Variants in DENND1B observed in about 807,000 individuals in gnomAD.
DENND1B encodes DENN domain containing 1B, also known as DENN domain-containing protein 1B.
Under a neutral mutation model 90.1 loss-of-function variants are expected in DENND1B, and 59 were observed. The ratio of observed to expected loss-of-function variants is 0.65; its 90% CI spans 0.53 to 0.81. The LOEUF (loss-of-function observed/expected upper bound fraction) is 0.81, where lower values mean the gene tolerates loss of function less well. Among genes scored for constraint, DENND1B ranks in the 40% least tolerant of loss-of-function variants. The probability of loss-of-function intolerance (pLI) is 0.00; values close to 1 mark genes in which losing one functional copy is unlikely to be tolerated. For synonymous variants in DENND1B, 337 were observed against 324.6 expected (o/e 1.04, Z -0.41); for missense variants, 862 against 912.6 (o/e 0.94, Z 0.71).
intron 8 of DENND1B, 141 bp from the exon 9 acceptor site, chr1:197,645,884 G>A: frequency 2.0e-6 from 1 of 503,348 alleles, no homozygotes; most frequent in Non-Finnish European, 3.4e-6. Flanking sequence ...GAATTTGAGA[G>A]ATTCTTAAAT....
intron 15 of DENND1B, among the ~76,000 whole-genome samples, chr1:197,578,083 T>C (rs1341922592): frequency 6.6e-6 from 1 of 152,160 alleles, no homozygotes; most frequent in Non-Finnish European, 1.5e-5. Flanking sequence ...AGAAGGAGTG[T>C]CCAGGGGAGG....
intron 2 of DENND1B, among the ~76,000 whole-genome samples, chr1:197,727,828 T>C (rs1303317759): frequency 6.6e-6 from 1 of 152,162 alleles, no homozygotes; most frequent in African/African-American, 2.4e-5. Context: ...AAAAGACACA[T>C]CCTTTTATAT....
At chr1:197,694,672 T>C (rs1451859799) in intron 3 of DENND1B, among the ~76,000 whole-genome samples, 1 of 151,390 alleles carries the variant, frequency 6.6e-6, no homozygotes, top group Non-Finnish European at 1.5e-5. Flanking sequence ...AGTAAGCTTT[T>C]GGGAAACCAG....
chr1:197,583,117 T>C, intron 15 of DENND1B, 35 bp downstream of exon 15: 1 of 1,568,022 alleles, frequency 6.4e-7, no homozygotes, highest in South Asian at 1.1e-5. Flanking sequence ...GACAATGTTG[T>C]CTTACAAAAG....
intron 18 of DENND1B, among the ~76,000 whole-genome samples, chr1:197,544,305 A>C (rs1398762374): frequency 6.6e-6 from 1 of 152,140 alleles, no homozygotes; most frequent in Non-Finnish European, 1.5e-5. Context: ...AAAGGCCAAG[A>C]AACTGACATT....
At position 197,638,340 on chromosome 1, in the gene DENND1B, T is replaced by C. The variant is rs180874462; in HGVS notation, c.672+4371A>G. Among the ~76,000 whole-genome samples, 1,282 of 152,266 alleles carry C rather than the reference T, an allele frequency of 8.4e-3. 19 individuals are homozygous for C. Among genetic ancestry groups the C allele is most frequent in the African/African-American group, 0.028 (1,178 of 41,548 alleles). On this transcript the variant is annotated intron_variant, in intron 10 of 22. Coordinates refer to ENST00000620048, the MANE Select transcript of DENND1B (RefSeq NM_001195215.2). ...GGTGAATTTACTAACTAAATAATGGTCAAAATAATAGCTAACATTCAGACA... is the reference window on the plus strand; with the variant it reads ...GGTGAATTTACTAACTAAATAATGGCCAAAATAATAGCTAACATTCAGACA...
rs1410022883 is a variant in DENND1B at position 197,510,718 on chromosome 1, G to C, written c.2070C>G (p.Ser690=). 2 of 1,612,588 alleles carry C rather than the reference G, an allele frequency of 1.2e-6. No individual in the cohort carries two copies. The highest frequency in any genetic ancestry group is 2.2e-5 in the East Asian group (1 of 44,838). ...PTSGLDFQLT[S]PEVSQTDKGK... ...CTTTATCAGTCTGGGAAACTTCAGG[G>C]GAAGTGAGTTGGAAATCCAGTCCTG... The change falls in exon 23 of 23, where the codon TCC becomes TCG. Residue 690 remains serine, a synonymous_variant. Coordinates refer to ENST00000620048, the MANE Select transcript of DENND1B (RefSeq NM_001195215.2).
chr1:197,755,043 A>G (rs1280129991), intron 2 of DENND1B, among the ~76,000 whole-genome samples: 1 of 152,144 alleles, frequency 6.6e-6, no homozygotes, highest in Non-Finnish European at 1.5e-5. Context: ...CTAACTTCCA[A>G]TTTCTCCTAG....
chr1:197,695,426 C>T (rs998647489), intron 3 of DENND1B, among the ~76,000 whole-genome samples: 6 of 150,734 alleles, frequency 4.0e-5, no homozygotes, highest in Non-Finnish European at 6.0e-5. Context: ...AATATGAAAC[C>T]AAGTAAACAG....
At chr1:197,647,472 A>G (rs2125926617) in intron 7 of DENND1B, among the ~76,000 whole-genome samples, 1 of 152,292 alleles carries the variant, frequency 6.6e-6, no homozygotes, top group East Asian at 1.9e-4. Context: ...ATCCATTTTA[A>G]TCTTACATCA....
intron 2 of DENND1B, among the ~76,000 whole-genome samples, chr1:197,750,609 G>GATAA (rs935592271): frequency 6.8e-6 from 1 of 147,054 alleles, no homozygotes; most frequent in African/African-American, 2.5e-5. Context: ...TAGATAGATA[G>GATAA]ATAAAGATAT....
intron 6 of DENND1B, among the ~76,000 whole-genome samples, chr1:197,657,206 C>A (rs1653928932): frequency 6.6e-6 from 1 of 152,162 alleles, no homozygotes; most frequent in Admixed American, 6.6e-5. Flanking sequence ...ATATGAAGGA[C>A]TCTTACGATT....
At chr1:197,600,276 C>T (rs1676084001) in intron 13 of DENND1B, among the ~76,000 whole-genome samples, 1 of 151,844 alleles carries the variant, frequency 6.6e-6, no homozygotes, top group Non-Finnish European at 1.5e-5. Flanking sequence ...TTCTCCCTTT[C>T]TTTGCTAATG....
chr1:197,737,155 A>G (rs1215171098), intron 2 of DENND1B, among the ~76,000 whole-genome samples: 1 of 152,088 alleles, frequency 6.6e-6, no homozygotes, highest in Non-Finnish European at 1.5e-5. Context: ...CTTTCCTACA[A>G]TCAGCTATAA....
Position 197,512,940 on chromosome 1 carries a change from CT to C in DENND1B, c.1528del (p.Arg510GlyfsTer48). 1.9e-6 allele frequency: 3 copies of C among 1,609,448 alleles called. No homozygotes were observed. Among genetic ancestry groups the C allele is most frequent in the East Asian group, 2.2e-5 (1 of 44,708 alleles). On this transcript the variant is annotated frameshift_variant, in exon 21 of 23. Transcript: ENST00000620048. LOFTEE classifies it high-confidence loss of function. ...KRKLAQARLK[R>X]PLKSLDGALY... ...AGCACCATCAAGGCTCTTAAGAGGC[CT>C]TTTTAAGCGTGCCTGGAGAGAGAGA...
intron 15 of DENND1B, among the ~76,000 whole-genome samples, chr1:197,576,136 A>G (rs979719453): frequency 6.6e-6 from 1 of 152,186 alleles, no homozygotes; most frequent in East Asian, 1.9e-4. Flanking sequence ...TAGAAAAGAC[A>G]GAATGATCAA....
chr1:197,780,412 A>G (rs564315026), upstream of DENND1B, among the ~76,000 whole-genome samples: 195 of 144,298 alleles, frequency 1.4e-3, no homozygotes, highest in African/African-American at 3.8e-3. Context: ...TGCAACCTCC[A>G]CCTCCTGGGT....
intron 15 of DENND1B, among the ~76,000 whole-genome samples, chr1:197,578,191 G>A (rs1571946600): frequency 1.3e-5 from 2 of 152,082 alleles, no homozygotes; most frequent in African/African-American, 4.8e-5. Flanking sequence ...TAATACTAAT[G>A]TATTGTACAT....
At chr1:197,583,430 C>G (rs1415079087) in intron 14 of DENND1B, among the ~76,000 whole-genome samples, 177 bp from the exon 15 acceptor site, 2 of 152,166 alleles carry the variant, frequency 1.3e-5, no homozygotes, top group Non-Finnish European at 2.9e-5. Context: ...TAAGCCTGTA[C>G]TACACCTTTC....
Sources: allele counts gnomAD v4.1 joint callset (sites outside exome capture counted in the v4.1 genomes callset), GRCh38; gene constraint gnomAD v4.1.1; transcripts MANE v1.5; gene names NCBI Gene and HGNC (gene_info 2026-07-23, HGNC 2026-07-21).